The following OTUD7A variants were observed in gnomAD, a reference collection of about 807,000 sequenced individuals.
OTUD7A encodes OTU deubiquitinase 7A, also known as OTU domain-containing protein 7A.
A neutral mutation model predicts 65.7 loss-of-function variants in OTUD7A; 12 were observed. That is an observed-to-expected ratio of 0.18 (90% confidence interval 0.12 to 0.30). The LOEUF (loss-of-function observed/expected upper bound fraction) is 0.30. OTUD7A is among the 10% of genes least tolerant of loss of function. OTUD7A has a pLI of 1.00. For synonymous variants in OTUD7A, 641 were observed against 586.3 expected (o/e 1.09, Z -1.35); for missense variants, 1,148 against 1,304.8 (o/e 0.88, Z 1.85).
intron 1 of OTUD7A, among the ~76,000 whole-genome samples, chr15:31,797,785 T>C (rs928351637): frequency 1.3e-5 from 2 of 152,238 alleles, no homozygotes; most frequent in Non-Finnish European, 2.9e-5. Flanking sequence ...CTGTGTGTGC[T>C]GCTTCTCCGG....
chr15:31,634,710 A>G (rs1305586866), intron 3 of OTUD7A, among the ~76,000 whole-genome samples: 1 of 152,242 alleles, frequency 6.6e-6, no homozygotes, highest in Non-Finnish European at 1.5e-5. Context: ...TGCCGATGAC[A>G]GCGATGGAGT....
intron 1 of OTUD7A, among the ~76,000 whole-genome samples, chr15:31,870,304 C>A (rs1279431338): frequency 1.4e-5 from 2 of 147,322 alleles, no homozygotes; most frequent in Non-Finnish European, 3.0e-5. Context: ...GCAATGCAGA[C>A]GCGCCGGCGA....
intron 1 of OTUD7A, among the ~76,000 whole-genome samples, chr15:31,741,561 T>A (rs933124570): frequency 1.3e-5 from 2 of 151,944 alleles, no homozygotes; most frequent in Non-Finnish European, 2.9e-5. Flanking sequence ...ACAATCTGCA[T>A]GAAAAATTAT....
chr15:31,657,291 G>A (rs555363516), intron 1 of OTUD7A, among the ~76,000 whole-genome samples: 22 of 152,310 alleles, frequency 1.4e-4, no homozygotes, highest in African/African-American at 4.1e-4. Context: ...AGCTTTCCTC[G>A]TTTTAGCAAG....
intron 1 of OTUD7A, among the ~76,000 whole-genome samples, chr15:31,773,432 C>T (rs1895292056): frequency 6.6e-6 from 1 of 152,212 alleles, no homozygotes; most frequent in Non-Finnish European, 1.5e-5. Context: ...TGCCTTCTCC[C>T]CATCCTCACA....
rs149811755 is a variant in OTUD7A, at chr15:31,625,266, C to T, written c.151+29830G>A. Reference sequence around the variant, plus strand: ...CGAGAAGGACCCTGAGCCAGTTACACCACGCTTGGATTTATGAGCCTCAGA... The same window carrying T: ...CGAGAAGGACCCTGAGCCAGTTACATCACGCTTGGATTTATGAGCCTCAGA... On this transcript the variant is annotated intron_variant, in intron 3 of 12. Transcript: ENST00000307050. Among the ~76,000 whole-genome samples, 209 of 152,224 alleles carry T rather than the reference C, an allele frequency of 1.4e-3. 1 individual carries two copies. Among genetic ancestry groups the T allele is most frequent in the African/African-American group, 4.9e-3 (202 of 41,526 alleles).
intron 3 of OTUD7A, among the ~76,000 whole-genome samples, chr15:31,590,360 T>C (rs907149837): frequency 1.3e-5 from 2 of 152,294 alleles, no homozygotes; most frequent in African/African-American, 4.8e-5. Context: ...ATTTCTGTCA[T>C]TCAGTGATGA....
intron 1 of OTUD7A, among the ~76,000 whole-genome samples, chr15:31,770,018 T>G (rs1233936447): frequency 1.3e-5 from 2 of 152,118 alleles, no homozygotes; most frequent in African/African-American, 4.8e-5. Flanking sequence ...GGTATGAAAT[T>G]AATAAGCTAA....
intron 5 of OTUD7A, among the ~76,000 whole-genome samples, chr15:31,550,304 C>G (rs543905115): frequency 1.4e-4 from 22 of 152,226 alleles, no homozygotes; most frequent in Non-Finnish European, 2.8e-4. Context: ...CACAAGACAG[C>G]ATGCACCCTG....
At chr15:31,859,538 G>T (rs1157892786) in intron 1 of OTUD7A, among the ~76,000 whole-genome samples, 1 of 152,172 alleles carries the variant, frequency 6.6e-6, no homozygotes, top group Non-Finnish European at 1.5e-5. Context: ...TCAATTTTCT[G>T]CTTTAAGGAG....
chr15:31,844,529 G>A (rs1209333814), intron 1 of OTUD7A, among the ~76,000 whole-genome samples: 2 of 152,164 alleles, frequency 1.3e-5, no homozygotes, highest in Non-Finnish European at 2.9e-5. Context: ...TCACACACTG[G>A]TTCCATGAGA....
At chr15:31,683,767 C>G (rs1892774354) in intron 1 of OTUD7A, among the ~76,000 whole-genome samples, 1 of 152,048 alleles carries the variant, frequency 6.6e-6, no homozygotes, top group Non-Finnish European at 1.5e-5. Context: ...ACAAAACCGT[C>G]TGGAGTTCTA....
At chr15:31,577,689 G>T (rs2141180350) in intron 3 of OTUD7A, among the ~76,000 whole-genome samples, 1 of 152,162 alleles carries the variant, frequency 6.6e-6, no homozygotes, top group African/African-American at 2.4e-5. Flanking sequence ...GACAGAGCAA[G>T]ACTCCGTCTC....
intron 1 of OTUD7A, among the ~76,000 whole-genome samples, chr15:31,765,246 A>T (rs563267805): frequency 1.3e-5 from 2 of 152,264 alleles, no homozygotes; most frequent in Non-Finnish European, 2.9e-5. Context: ...ATATATATAA[A>T]TAGATCAAAA....
chr15:31,588,025 A>G (rs917957055), intron 3 of OTUD7A, among the ~76,000 whole-genome samples: 3 of 152,110 alleles, frequency 2.0e-5, no homozygotes, highest in South Asian at 2.1e-4. Context: ...TTGTTGGTAT[A>G]ATCCCTACAG....
intron 5 of OTUD7A, among the ~76,000 whole-genome samples, chr15:31,538,022 C>T (rs193258357): frequency 7.2e-5 from 11 of 152,206 alleles, no homozygotes; most frequent in African/African-American, 2.7e-4. Context: ...CATGGGGCAA[C>T]GTGCAAATGT....
intron 1 of OTUD7A, chr15:31,766,921 T>A (rs1281868247): frequency 2.5e-6 from 4 of 1,610,348 alleles, no homozygotes; most frequent in Non-Finnish European, 2.5e-6. Flanking sequence ...TTCCAAAGAA[T>A]AGCACCTTGG....
Position 31,483,473 on chromosome 15 carries a change from C to A in OTUD7A, c.2623G>T (p.Asp875Tyr). Residue 875 changes from aspartate (D) to tyrosine (Y), a missense_variant, in exon 13 of 13, where the codon GAC (aspartate) becomes TAC (tyrosine). This residue lies in a region of OTUD7A where 842 missense variants were observed against 769.5 expected (regional missense o/e 1.09). Coordinates refer to ENST00000307050, the MANE Select transcript of OTUD7A (RefSeq NM_001382637.1). The part of the protein sequence containing the change: ...LRDGLEFADA[D>Y]APTARSNGEC... ...CCGTTCGAGCGCGCGGTCGGCGCGT[C>A]GGCGTCGGCGAACTCCAGGCCGTCG... 1 of 1,386,866 alleles carries A rather than the reference C, an allele frequency of 7.2e-7. No homozygotes were observed. The highest frequency in any genetic ancestry group is 9.3e-7 in the Non-Finnish European group (1 of 1,069,520). The allele number at this position is 1,386,866 out of a possible 1,614,324, so 85.9% of individuals were successfully genotyped here.
At chr15:31,672,879 G>A (rs1468035239) in intron 1 of OTUD7A, among the ~76,000 whole-genome samples, 1 of 152,188 alleles carries the variant, frequency 6.6e-6, no homozygotes, top group African/African-American at 2.4e-5. Context: ...AGCAGTAAGT[G>A]TAGGACCTAC....
Sources: gnomAD v4.1 joint callset for allele counts (sites outside exome capture counted in the v4.1 genomes callset) on GRCh38, gnomAD v4.1.1 for gene constraint, gnomAD v4.1.1 regional missense constraint, MANE v1.5 for transcripts, NCBI Gene and HGNC (gene_info 2026-07-23, HGNC 2026-07-21) for gene names.